The following ADAMTSL1 variants were observed in gnomAD, a reference collection of about 807,000 sequenced individuals.
The protein encoded by ADAMTSL1 is ADAMTS like 1.
In ADAMTSL1, 126 loss-of-function variants were observed where a neutral mutation model predicts 201.8. The observed-to-expected ratio is 0.62, with a 90% CI of 0.54 to 0.72. The LOEUF is 0.72. ADAMTSL1 is among the 30% of genes least tolerant of loss of function. The pLI is 0.00. For missense variants in ADAMTSL1, 2,679 were observed against 2,277.8 expected, an observed-to-expected ratio of 1.18 and a Z score of -3.59; for synonymous variants, 1,121 against 903.4, an observed-to-expected ratio of 1.24 and a Z score of -4.32.
intron 4 of ADAMTSL1, among the ~76,000 whole-genome samples, chr9:18,591,358 A>G (rs751515635): frequency 1.3e-5 from 2 of 151,788 alleles, no homozygotes; most frequent in East Asian, 1.9e-4. Flanking sequence ...TTTGGTTTCT[A>G]TTTGCATGGA....
At chr9:18,000,808 G>A (rs13295278) in intron 1 of ADAMTSL1, among the ~76,000 whole-genome samples, 3 of 151,848 alleles carry the variant, frequency 2.0e-5, no homozygotes, top group South Asian at 4.1e-4. Context: ...GGCCAGAGCG[G>A]CTCAGGTGAA....
At chr9:18,807,540 G>A (rs1414397806) in intron 20 of ADAMTSL1, among the ~76,000 whole-genome samples, 1 of 151,902 alleles carries the variant, frequency 6.6e-6, no homozygotes, top group Non-Finnish European at 1.5e-5. Context: ...AGCTAGTCGG[G>A]AGCCTGAGGC....
chr9:18,793,690 T>G (rs1822191464), intron 19 of ADAMTSL1, among the ~76,000 whole-genome samples: 1 of 152,186 alleles, frequency 6.6e-6, no homozygotes, highest in African/African-American at 2.4e-5. Context: ...TCCCCAAAAC[T>G]GGCTACTGAG....
intron 4 of ADAMTSL1, among the ~76,000 whole-genome samples, chr9:18,605,177 G>A (rs1824931711): frequency 6.6e-6 from 1 of 152,064 alleles, no homozygotes; most frequent in African/African-American, 2.4e-5. Context: ...CCTCTCTGCA[G>A]GAAAAAAATA....
intron 1 of ADAMTSL1, among the ~76,000 whole-genome samples, chr9:18,028,424 G>C (rs145598120): frequency 3.3e-3 from 509 of 152,144 alleles, no homozygotes; most frequent in African/African-American, 0.011. Flanking sequence ...TCTTTTCTTA[G>C]AGAATGCTGA....
At chr9:17,987,610 C>G (rs1818982445) in intron 1 of ADAMTSL1, among the ~76,000 whole-genome samples, 1 of 152,054 alleles carries the variant, frequency 6.6e-6, no homozygotes, top group African/African-American at 2.4e-5. Context: ...CCTATCTTGA[C>G]TAATGAAACC....
chr9:17,975,419 A>T (rs1245225564), intron 1 of ADAMTSL1, among the ~76,000 whole-genome samples: 3 of 152,138 alleles, frequency 2.0e-5, no homozygotes, highest in Middle Eastern at 3.4e-3. Context: ...CTGATTCATA[A>T]ATGTCATCTT....
chr9:18,699,835 C>T (rs753941856), intron 13 of ADAMTSL1, among the ~76,000 whole-genome samples: 21 of 152,250 alleles, frequency 1.4e-4, no homozygotes, highest in Middle Eastern at 3.4e-3. Context: ...TGCCTCATAG[C>T]CTAGGCTTGA....
chr9:18,832,084 G>A (rs970902444), intron 23 of ADAMTSL1, among the ~76,000 whole-genome samples: 3 of 152,170 alleles, frequency 2.0e-5, no homozygotes, highest in African/African-American at 4.8e-5. Flanking sequence ...TAAGACTGAT[G>A]ACAGGCAGCT....
chr9:18,229,482 G>A (rs893625621), intron 2 of ADAMTSL1, among the ~76,000 whole-genome samples: 2 of 148,570 alleles, frequency 1.3e-5, no homozygotes, highest in Admixed American at 6.7e-5. Context: ...TTAGGTTAAC[G>A]TAAGGAAGAA....
intron 1 of ADAMTSL1, among the ~76,000 whole-genome samples, chr9:18,062,810 C>G (rs1460069565): frequency 6.6e-6 from 1 of 152,024 alleles, no homozygotes; most frequent in Non-Finnish European, 1.5e-5. Flanking sequence ...TAAAATTTTT[C>G]CCTCTGATTT....
intron 2 of ADAMTSL1, among the ~76,000 whole-genome samples, chr9:18,414,517 A>G (rs1330904924): frequency 2.0e-5 from 3 of 152,204 alleles, no homozygotes; most frequent in Non-Finnish European, 4.4e-5. Context: ...GTGTGAAACA[A>G]TGGTTTTTAA....
At chr9:17,997,731 C>T (rs1819441426) in intron 1 of ADAMTSL1, among the ~76,000 whole-genome samples, 1 of 151,974 alleles carries the variant, frequency 6.6e-6, no homozygotes, top group South Asian at 2.1e-4. Flanking sequence ...TTTTGAAGAT[C>T]ACACATGTAA....
intron 2 of ADAMTSL1, among the ~76,000 whole-genome samples, chr9:18,385,879 T>C (rs1289059016): frequency 6.6e-6 from 1 of 152,184 alleles, no homozygotes; most frequent in East Asian, 1.9e-4. Flanking sequence ...TGGCAGGATT[T>C]GTTGTAAATG....
intron 1 of ADAMTSL1, among the ~76,000 whole-genome samples, chr9:17,943,695 T>G (rs1189896723): frequency 6.6e-6 from 1 of 152,142 alleles, no homozygotes; most frequent in Non-Finnish European, 1.5e-5. Flanking sequence ...GGATTCTTAT[T>G]TGTGCTATTT....
chr9:18,802,025 C>A (rs1269198561), intron 20 of ADAMTSL1, among the ~76,000 whole-genome samples: 1 of 152,068 alleles, frequency 6.6e-6, no homozygotes, highest in East Asian at 1.9e-4. Context: ...GCCTGTAATC[C>A]CAGCACTTTG....
chr9:18,520,391 T>A lies in ADAMTSL1; in HGVS notation c.192-12856T>A, dbSNP rs1235097356. Among the ~76,000 whole-genome samples, 3 of 152,240 alleles carry A rather than the reference T, an allele frequency of 2.0e-5. No homozygotes were observed. The East Asian group carries it at 5.8e-4, about 29-fold the overall frequency. ...TAAATCAGTGTTTCCAAGTTGGCAC[T>A]ACATTCAGAACATTTTTATAATGAC... On this transcript the variant is annotated intron_variant, in intron 2 of 28. Coordinates refer to ENST00000380548, the MANE Select transcript of ADAMTSL1 (RefSeq NM_001040272.6).
In ADAMTSL1 at chr9:18,729,718, C is replaced by A. The variant is rs559072018; in HGVS notation, c.2006+8053C>A. ...TGAACAAGACCCACTTTGTTCCCTG[C>A]AGCAGCCAAAGCCGGAGTTTGGGAA... On this transcript the variant is annotated intron_variant, in intron 15 of 28. Coordinates refer to ENST00000380548, the MANE Select transcript of ADAMTSL1 (RefSeq NM_001040272.6). 1.4e-3 allele frequency among the ~76,000 whole-genome samples: 212 copies of A among 152,290 alleles called. 1 individual carries two copies. Among genetic ancestry groups the A allele is most frequent in the African/African-American group, 5.0e-3 (206 of 41,552 alleles).
At chr9:18,102,228 G>T (rs1188973113) in intron 1 of ADAMTSL1, among the ~76,000 whole-genome samples, 2 of 151,728 alleles carry the variant, frequency 1.3e-5, no homozygotes, top group South Asian at 2.1e-4. Context: ...GTATTTCATG[G>T]TTTTTTTCTG....
Sources: allele counts gnomAD v4.1 joint callset (sites outside exome capture counted in the v4.1 genomes callset), GRCh38; gene constraint gnomAD v4.1.1; transcripts MANE v1.5; gene names NCBI Gene and HGNC (gene_info 2026-07-23, HGNC 2026-07-21).